The following KCNH8 variants were observed in gnomAD, a reference collection of about 807,000 sequenced individuals.
KCNH8 encodes voltage-gated delayed rectifier potassium channel KCNH8.
A neutral mutation model predicts 103.6 loss-of-function variants in KCNH8; 70 were observed. The ratio of observed to expected loss-of-function variants is 0.68; its 90% CI spans 0.56 to 0.82. The LOEUF is 0.82. Among genes scored for constraint, KCNH8 ranks in the 40% least tolerant of loss-of-function variants. KCNH8 has a pLI of 0.00. For missense variants in KCNH8, 1,217 were observed against 1,329.9 expected (o/e 0.92, Z 1.32); for synonymous variants, 498 against 489.4 (o/e 1.02, Z -0.23).
At chr3:19,290,799 T>A (rs942227682) in intron 3 of KCNH8, among the ~76,000 whole-genome samples, 4 of 152,206 alleles carry the variant, frequency 2.6e-5, no homozygotes, top group African/African-American at 9.6e-5. Flanking sequence ...TTTCTATTGA[T>A]TGGAATAGTT....
rs186418062 is a variant in KCNH8, at chr3:19,497,470, C to T, written c.2041-12893C>T. ...CTTTGTTCTTATTAGTTTCAAATAACTTTTTGATTTCTGCCTTAGTTTATT... is the reference window on the plus strand; with the variant it reads ...CTTTGTTCTTATTAGTTTCAAATAATTTTTTGATTTCTGCCTTAGTTTATT... On this transcript the variant is annotated intron_variant, in intron 11 of 15. Coordinates refer to ENST00000328405, the MANE Select transcript of KCNH8 (RefSeq NM_144633.3). Among the ~76,000 whole-genome samples the T allele has an allele frequency of 5.5e-4, 83 of 152,150 alleles. No individual in the cohort carries two copies. The East Asian group carries it at 0.014, about 25-fold the overall frequency.
chr3:19,411,720 C>T (rs1378361410), intron 7 of KCNH8, among the ~76,000 whole-genome samples: 9 of 151,834 alleles, frequency 5.9e-5, no homozygotes, highest in Admixed American at 5.9e-4. Context: ...CAGTAATATT[C>T]AAGCTGAAAG....
chr3:19,176,840 C>T (rs1440694973), intron 1 of KCNH8, among the ~76,000 whole-genome samples: 1 of 152,050 alleles, frequency 6.6e-6, no homozygotes, highest in African/African-American at 2.4e-5. Context: ...GACCATTTCT[C>T]CTAAAGGAGA....
chr3:19,170,584 C>CTATATATATATATATATATATATATATA (rs113772694), intron 1 of KCNH8, among the ~76,000 whole-genome samples: 2 of 114,028 alleles, frequency 1.8e-5, no homozygotes, highest in African/African-American at 6.4e-5. Flanking sequence ...CTTGGGGCAT[C>CTATATATATATATATATATATATATATA]TATATATATA....
chr3:19,513,376 T>C (rs377303001), intron 13 of KCNH8, 51 bp downstream of exon 13: 33 of 1,522,602 alleles, frequency 2.2e-5, no homozygotes, highest in Non-Finnish European at 2.9e-5. Context: ...CTGCCTTTTA[T>C]ACAGAGTAGT....
chr3:19,355,045 A>T (rs2065861010), intron 5 of KCNH8, among the ~76,000 whole-genome samples: 1 of 152,196 alleles, frequency 6.6e-6, no homozygotes, highest in Admixed American at 6.5e-5. Flanking sequence ...GAAAACAATC[A>T]AACAACCCCA....
chr3:19,237,998 A>G (rs1172074946), intron 1 of KCNH8, among the ~76,000 whole-genome samples: 1 of 152,228 alleles, frequency 6.6e-6, no homozygotes, highest in African/African-American at 2.4e-5. Context: ...ATTTCAAAAT[A>G]AAGATCTTCA....
chr3:19,290,564 T>C (rs930437295), intron 3 of KCNH8, among the ~76,000 whole-genome samples: 85 of 152,366 alleles, frequency 5.6e-4, no homozygotes, highest in African/African-American at 2.0e-3. Context: ...GATTTGCGTA[T>C]GTTGAACCAG....
intron 3 of KCNH8, among the ~76,000 whole-genome samples, chr3:19,338,001 G>A (rs1024048613): frequency 3.1e-4 from 12 of 38,200 alleles, no homozygotes; most frequent in African/African-American, 2.7e-3. Flanking sequence ...GAGAGAGGCG[G>A]GGGGGGGAGA....
chr3:19,205,059 G>A (rs912412163), intron 1 of KCNH8, among the ~76,000 whole-genome samples: 34 of 151,966 alleles, frequency 2.2e-4, no homozygotes, highest in Admixed American at 8.5e-4. Flanking sequence ...CTGTCTATTC[G>A]CTCATTCATC....
At chr3:19,298,779 G>C (rs1044795253) in intron 3 of KCNH8, among the ~76,000 whole-genome samples, 1 of 151,788 alleles carries the variant, frequency 6.6e-6, no homozygotes, top group East Asian at 1.9e-4. Flanking sequence ...AAAATTAGCC[G>C]GGCCTGGTGG....
At chr3:19,316,873 T>A (rs1348770960) in intron 3 of KCNH8, among the ~76,000 whole-genome samples, 5 of 151,976 alleles carry the variant, frequency 3.3e-5, no homozygotes, top group African/African-American at 1.2e-4. Context: ...TTTATCTCTG[T>A]CTTTCCAGCT....
chr3:19,323,078 T>A (rs1177632012), intron 3 of KCNH8, among the ~76,000 whole-genome samples: 1 of 152,206 alleles, frequency 6.6e-6, no homozygotes, highest in Non-Finnish European at 1.5e-5. Flanking sequence ...TTGGAGATTT[T>A]TCCAGTCATA....
At position 19,187,095 on chromosome 3, in the gene KCNH8, G is replaced by GT. The variant is rs575630535; in HGVS notation, c.76+38307dup. ...CATGTTACAAAATGTTGTTCTTTTT[G>GT]TTTTTTTGGTTTTCAACCACTTAAA... On this transcript the variant is annotated intron_variant, in intron 1 of 15. Transcript: ENST00000328405. Among the ~76,000 whole-genome samples, 88 of 151,694 alleles carry GT rather than the reference G, an allele frequency of 5.8e-4. 2 individuals are homozygous for GT. Among genetic ancestry groups the GT allele is most frequent in the African/African-American group, 2.0e-3 (82 of 41,410 alleles).
intron 15 of KCNH8, among the ~76,000 whole-genome samples, chr3:19,520,431 TTGG>T (rs1353526093): frequency 3.9e-5 from 6 of 151,968 alleles, no homozygotes; most frequent in Admixed American, 3.9e-4. Context: ...TTTTGACCCT[TTGG>T]ATAGTGCATA....
At chr3:19,423,944 A>G (rs115253727) in intron 7 of KCNH8, among the ~76,000 whole-genome samples, 1 of 152,138 alleles carries the variant, frequency 6.6e-6, no homozygotes, top group African/African-American at 2.4e-5. Flanking sequence ...GCCAGCATCT[A>G]TTAATTTTTG....
Position 19,217,791 on chromosome 3 carries a change from T to C in KCNH8, c.77-35863T>C, listed in dbSNP as rs186537100. Among the ~76,000 whole-genome samples, 526 of 152,322 alleles carry C rather than the reference T, an allele frequency of 3.5e-3. 1 individual carries two copies. Among genetic ancestry groups the C allele is most frequent in the African/African-American group, 0.012 (492 of 41,578 alleles). On this transcript the variant is annotated intron_variant, in intron 1 of 15. Transcript: ENST00000328405. ...GTCGCAGCTTTTGAATAACTGGATT[T>C]GGGATTATTTAACTTGTTCTGTGTG...
At chr3:19,522,185 C>A (rs1355301774) in intron 15 of KCNH8, among the ~76,000 whole-genome samples, 2 of 151,644 alleles carry the variant, frequency 1.3e-5, no homozygotes, top group African/African-American at 4.8e-5. Flanking sequence ...AAAAAATGAG[C>A]TTTGTAGAAA....
At chr3:19,345,600 C>A (rs181151032) in intron 4 of KCNH8, among the ~76,000 whole-genome samples, 2 of 152,012 alleles carry the variant, frequency 1.3e-5, no homozygotes, top group Admixed American at 1.3e-4. Flanking sequence ...CTACTTCCTG[C>A]TAAAAAGCAT....
Sources: allele counts gnomAD v4.1 joint callset (sites outside exome capture counted in the v4.1 genomes callset), GRCh38; gene constraint gnomAD v4.1.1; transcripts MANE v1.5; gene names NCBI Gene and HGNC (gene_info 2026-07-23, HGNC 2026-07-21).